DICER1: variants seen among roughly 807,000 people sequenced by gnomAD.
The protein encoded by DICER1 is endoribonuclease Dicer.
A neutral mutation model predicts 194.1 loss-of-function variants in DICER1; 43 were observed. The ratio of observed to expected loss-of-function variants is 0.22; its 90% CI spans 0.17 to 0.29. The LOEUF (loss-of-function observed/expected upper bound fraction) is 0.29. Ranked by LOEUF, DICER1 falls within the 10% of genes least tolerant of loss-of-function variation. The pLI, the probability that DICER1 is intolerant of heterozygous loss-of-function variation, is 1.00. For missense variants in DICER1, 1,608 were observed against 2,317.0 expected (o/e 0.69, Z 6.28); for synonymous variants, 832 against 820.5 (o/e 1.01, Z -0.24).
intron 21 of DICER1, among the ~76,000 whole-genome samples, chr14:95,102,113 C>T (rs1027675672): frequency 1.3e-5 from 2 of 152,004 alleles, no homozygotes; most frequent in Admixed American, 6.5e-5. Context: ...GGTGTGTGTA[C>T]GTGTGTGTGC....
Position 95,113,328 on chromosome 14 carries a change from T to C in DICER1, c.1908-104A>G, listed in dbSNP as rs1340817249. 3 of 1,123,522 alleles carry C rather than the reference T, an allele frequency of 2.7e-6. No individual in the cohort carries two copies. The Admixed American group carries it at 5.7e-5, about 21-fold the overall frequency. 69.6% of individuals were successfully genotyped at this position (1,123,522 alleles called of 1,614,324 possible). ...CATGTGCCTCTTCCCCTCTACTGAATTTGTATTTATATGTGGCATTTAAAC... is the reference window on the plus strand; with the variant it reads ...CATGTGCCTCTTCCCCTCTACTGAACTTGTATTTATATGTGGCATTTAAAC... On this transcript the variant is annotated intron_variant, in intron 11 of 26. Transcript: ENST00000343455.
chr14:95,107,213 T>C (rs1891500918), intron 17 of DICER1, among the ~76,000 whole-genome samples: 1 of 151,886 alleles, frequency 6.6e-6, no homozygotes, highest in East Asian at 1.9e-4. Context: ...ATTACAATGC[T>C]AAAATCACAG....
chr14:95,127,016 A>C (rs1893534537), intron 6 of DICER1, among the ~76,000 whole-genome samples: 1 of 152,216 alleles, frequency 6.6e-6, no homozygotes. Context: ...AAGAGGGGAA[A>C]GAAAAGAATA....
chr14:95,104,413 A>C (rs1891227745), intron 20 of DICER1, among the ~76,000 whole-genome samples: 1 of 152,190 alleles, frequency 6.6e-6, no homozygotes, highest in Non-Finnish European at 1.5e-5. Context: ...CACGGGTTGG[A>C]ATCCCAGGCA....
Position 95,103,699 on chromosome 14 carries a change from C to T in DICER1, c.3697G>A (p.Asp1233Asn), listed in dbSNP as rs1454503348. The change falls in exon 21 of 27, where the codon GAT becomes AAT. Residue 1233 changes from aspartate to asparagine, a missense_variant. Coordinates refer to ENST00000343455, the MANE Select transcript of DICER1 (RefSeq NM_177438.3). ...YSYENQPQPS[D>N]ECTLLSNKYL... is the part of the protein sequence containing the mutation. ...TTATTACTCAGGAGAGTACATTCAT[C>T]GCTGGGCTGGGGCTGGTTCTCGTAA... The T allele has an allele frequency of 8.1e-6, 13 of 1,614,016 alleles. No individual in the cohort carries two copies. The highest frequency in any genetic ancestry group is 4.4e-5 in the South Asian group (4 of 91,078).
Position 95,124,698 on chromosome 14 carries a change from T to C in DICER1, c.904-30A>G, listed in dbSNP as rs1350723325. ...AAAAAAAAGAAAAGAAAAAACCTAATGCCAAATAATAATAATGTAGCATTT... is the reference window on the plus strand; with the variant it reads ...AAAAAAAAGAAAAGAAAAAACCTAACGCCAAATAATAATAATGTAGCATTT... On this transcript the variant is annotated intron_variant, in intron 7 of 26. Transcript: ENST00000343455. The surrounding 1 kb of genome is among the most constrained non-coding windows in gnomAD (Gnocchi z 4.5). 4 of 1,513,768 alleles carry C rather than the reference T, an allele frequency of 2.6e-6. No homozygotes were observed. Among genetic ancestry groups the C allele is most frequent in the African/African-American group, 2.8e-5 (2 of 72,726 alleles). 93.8% of individuals were successfully genotyped at this position (1,513,768 alleles called of 1,614,324 possible). A position where few individuals can be genotyped will look rare whatever the true frequency, so the allele number is the denominator to read the frequency against.
intron 9 of DICER1, 145 bp from the exon 10 acceptor site, chr14:95,116,840 A>T: frequency 1.2e-6 from 1 of 824,504 alleles, no homozygotes; most frequent in Non-Finnish European, 2.0e-6. Flanking sequence ...GCTAAAGAAG[A>T]TGACAGTATC....
chr14:95,113,746 A>G (rs1892190392), intron 11 of DICER1, among the ~76,000 whole-genome samples: 1 of 152,202 alleles, frequency 6.6e-6, no homozygotes, highest in Admixed American at 6.5e-5. Context: ...AGCACCAGGG[A>G]AGGTTGGAAC....
Position 95,096,484 on chromosome 14 carries a change from T to C in DICER1, c.4436A>G (p.Tyr1479Cys), listed in dbSNP as rs1218181729. ...LSPFSTTDSAYEWKMPKKSSL... is the reference protein window; with the variant it reads ...LSPFSTTDSACEWKMPKKSSL... ...GGATTTTTTGGGCATTTTCCATTCA[T>C]ATGCAGAATCAGTGGTTGAAAAAGG... The change falls in exon 23 of 27, where the codon TAT (tyrosine) becomes TGT (cysteine). Residue 1479 changes from tyrosine to cysteine, a missense_variant. Physicochemically the swap from Tyr to Cys is radical, Grantham distance 194. This residue lies in a region of DICER1 where 164 missense variants were observed against 183.7 expected (regional missense o/e 0.89). Transcript: ENST00000343455. 6.2e-7 allele frequency: 1 copy of C among 1,614,080 alleles called. No individual in the cohort carries two copies. The highest frequency in any genetic ancestry group is 8.5e-7 in the Non-Finnish European group (1 of 1,180,040).
intron 1 of DICER1, among the ~76,000 whole-genome samples, chr14:95,155,030 G>C (rs1895753108): frequency 6.6e-6 from 1 of 152,154 alleles, no homozygotes; most frequent in African/African-American, 2.4e-5. Flanking sequence ...AATACAAAAA[G>C]CATGCCTCCA....
At position 95,146,252 on chromosome 14, in the gene DICER1, T is replaced by C. The variant is rs562383913; in HGVS notation, c.-46+10978A>G. 8.5e-5 allele frequency among the ~76,000 whole-genome samples: 13 copies of C among 152,370 alleles called. No homozygotes were observed. In the East Asian group the frequency reaches 1.3e-3, roughly 16 times the overall value. On this transcript the variant is annotated intron_variant, in intron 1 of 26. Transcript: ENST00000343455. Reference sequence around the variant, plus strand: ...GTCCCAGATAAATCCAGGGACCGGATTGAGAACCTGTCTTGCCATTTGGCA... The same window carrying C: ...GTCCCAGATAAATCCAGGGACCGGACTGAGAACCTGTCTTGCCATTTGGCA...
In DICER1 at chr14:95,103,821, G is replaced by A; in HGVS notation, c.3575C>T (p.Ala1192Val). ...QNLANGSYDL[A>V]NRDFCQGNQL... ...ATTTCCTTGGCAAAAGTCTCTGTTA[G>A]CTAAATCATAACTGCCATTGGCGAG... Residue 1192 changes from alanine (A) to valine (V), a missense_variant, in exon 21 of 27, where the codon GCT (alanine) becomes GTT (valine). Ala to Val is a moderately conservative substitution (Grantham distance 64, BLOSUM62 0). Around this residue, in one of 10 missense-constraint regions of DICER1, gnomAD observed 222 missense variants for 215.5 expected, o/e 1.03. Transcript: ENST00000343455. 6.2e-7 allele frequency: 1 copy of A among 1,614,188 alleles called. No homozygotes were observed.
Position 95,105,996 on chromosome 14 carries a change from G to T in DICER1, c.2987+45C>A. On this transcript the variant is annotated intron_variant, in intron 18 of 26. Coordinates refer to ENST00000343455, the MANE Select transcript of DICER1 (RefSeq NM_177438.3). The surrounding 1 kb of genome is among the most constrained non-coding windows in gnomAD (Gnocchi z 4.9). Reference sequence around the variant, plus strand: ...CTGCATGTCTAGTGATGTCTGGTAAGAATCCCTCAAGTGCAATCCAAGTGT... The same window carrying T: ...CTGCATGTCTAGTGATGTCTGGTAATAATCCCTCAAGTGCAATCCAAGTGT... 1.9e-6 allele frequency: 3 copies of T among 1,596,404 alleles called. No individual in the cohort carries two copies. Among genetic ancestry groups the T allele is most frequent in the Non-Finnish European group, 2.6e-6 (3 of 1,164,042 alleles).
intron 1 of DICER1, among the ~76,000 whole-genome samples, chr14:95,148,862 T>G (rs552588214): frequency 5.3e-5 from 8 of 151,878 alleles, no homozygotes; most frequent in African/African-American, 1.9e-4. Context: ...ACATAAATAC[T>G]TAACACATCA....
chr14:95,086,556 A>G lies in DICER1; in HGVS notation c.*3942T>C. 1 of 233,374 alleles carries G rather than the reference A, an allele frequency of 4.3e-6. No individual in the cohort carries two copies. The highest frequency in any genetic ancestry group is 2.2e-5 in the African/African-American group (1 of 45,472). 14.5% of individuals were successfully genotyped at this position (233,374 alleles called of 1,614,324 possible). A position where few individuals can be genotyped will look rare whatever the true frequency, so the allele number is the denominator to read the frequency against. ...TGCAGTGAATTCTTAGTGCATCTAT[A>G]AAATTTAAATTGTCTGTGGTTGATG... On this transcript the variant is annotated 3_prime_UTR_variant, in exon 27 of 27. Transcript: ENST00000343455.
rs774212787 is a variant in DICER1, at chr14:95,105,286, G to GCA, written c.3094-42_3094-41dup. On this transcript the variant is annotated intron_variant, in intron 19 of 26. Transcript: ENST00000343455. This position sits in a 1 kb window ranked among gnomAD's most constrained non-coding sequence, Gnocchi z 4.9. ...AAAAATGGACAGATAAATACAAAGC[G>GCA]CACACACAAAAGAAAAAAAAAAAGA... is the stretch of plus-strand genomic sequence containing the variant. 6.5e-6 allele frequency: 10 copies of GCA among 1,549,922 alleles called. No homozygotes were observed. The South Asian group carries it at 1.1e-4, about 17-fold the overall frequency.
chr14:95,121,988 T>C (rs1367942879), intron 8 of DICER1, among the ~76,000 whole-genome samples: 2 of 152,138 alleles, frequency 1.3e-5, no homozygotes, highest in Non-Finnish European at 2.9e-5. Flanking sequence ...TTTCCTCCCA[T>C]TAAACTGATG....
At position 95,088,118 on chromosome 14, in the gene DICER1, A is replaced by G. The variant is rs188106426; in HGVS notation, c.*2380T>C. ...ACTGTGAGTCAAATTAAAATCTACT[A>G]TTTTTCTCCAACAAAAAGTGAAACG... is the stretch of plus-strand genomic sequence containing the variant. On this transcript the variant is annotated 3_prime_UTR_variant, in exon 27 of 27. Coordinates refer to ENST00000343455, the MANE Select transcript of DICER1 (RefSeq NM_177438.3). 2,515 of 232,856 alleles carry G rather than the reference A, an allele frequency of 0.011. 52 individuals are homozygous for G. Among genetic ancestry groups the G allele is most frequent in the African/African-American group, 0.05 (2,247 of 45,338 alleles). The allele number at this position is 232,856 out of a possible 1,614,324, so 14.4% of individuals were successfully genotyped here. A position where few individuals can be genotyped will look rare whatever the true frequency, so the allele number is the denominator to read the frequency against.
rs1890337255 is a variant in DICER1 at position 95,096,371 on chromosome 14, C to T, written c.4549G>A (p.Ala1517Thr). The T allele has an allele frequency of 6.2e-7, 1 of 1,614,202 alleles. No homozygotes were observed. Among genetic ancestry groups the T allele is most frequent in the Non-Finnish European group, 8.5e-7 (1 of 1,180,034 alleles). The change falls in exon 23 of 27, where the codon GCT (alanine) becomes ACT (threonine). Residue 1517 changes from alanine to threonine, a missense_variant. Transcript: ENST00000343455. ...ACCACAAAGTCATCTTCTTCAACAG[C>T]TTTGCTAGGATCCAGATAGCACATT... ...DAMCYLDPSKAVEEDDFVVGF... is the reference protein window; with the variant it reads ...DAMCYLDPSKTVEEDDFVVGF...
Sources: gnomAD v4.1 joint callset for allele counts (sites outside exome capture counted in the v4.1 genomes callset) on GRCh38, gnomAD v4.1.1 for gene constraint, gnomAD v4.1.1 regional missense constraint, Gnocchi (gnomAD v3.1) non-coding constraint, MANE v1.5 for transcripts, NCBI Gene and HGNC (gene_info 2026-07-23, HGNC 2026-07-21) for gene names.